Variants in AFF2 observed in about 807,000 individuals in gnomAD.
AFF2 encodes AF4/FMR2 family member 2.
A neutral mutation model predicts 76.9 loss-of-function variants in AFF2; 14 were observed. The ratio of observed to expected loss-of-function variants is 0.18; its 90% CI spans 0.12 to 0.28. The LOEUF is 0.28. Among genes scored for constraint, AFF2 ranks in the 10% least tolerant of loss-of-function variants. The probability of loss-of-function intolerance (pLI) is 1.00; values close to 1 mark genes in which losing one functional copy is unlikely to be tolerated. For synonymous variants in AFF2, 398 were observed against 366.7 expected, an observed-to-expected ratio of 1.09 and a Z score of -0.98; for missense variants, 868 against 1,001.1, an observed-to-expected ratio of 0.87 and a Z score of 1.79.
chrX:148,724,242 C>T (rs111411783), intron 3 of AFF2, among the ~76,000 whole-genome samples: 2 of 110,855 alleles, frequency 1.8e-5, no homozygotes, highest in African/African-American at 6.5e-5. Flanking sequence ...GTGCCTCTCT[C>T]CTATGGCAGA....
At chrX:148,701,012 A>ATGTGTG (rs10675200) in intron 3 of AFF2, among the ~76,000 whole-genome samples, 8,483 of 73,239 alleles carry the variant, frequency 0.12, 405 homozygotes, top group Non-Finnish European at 0.12. Context: ...GAGAGAGAGA[A>ATGTGTG]TGTGTGTGTG....
chrX:148,877,731 G>C (rs1557278052), intron 7 of AFF2, among the ~76,000 whole-genome samples: 5 of 112,026 alleles, frequency 4.5e-5, no homozygotes, highest in Non-Finnish European at 1.9e-5. Context: ...AATTTGCCAT[G>C]CATCACATAG....
intron 1 of AFF2, among the ~76,000 whole-genome samples, chrX:148,522,424 A>G (rs534612131): frequency 8.9e-6 from 1 of 112,507 alleles, no homozygotes; most frequent in African/African-American, 3.2e-5. Context: ...CTTTCTGGGC[A>G]TGGAATTGTT....
At chrX:148,517,678 A>T (rs2052551119) in intron 1 of AFF2, among the ~76,000 whole-genome samples, 1 of 111,506 alleles carries the variant, frequency 9.0e-6, no homozygotes, top group South Asian at 3.8e-4. Flanking sequence ...CCTGAATTCA[A>T]CTGTACAGTA....
chrX:148,967,535 G>T, intron 14 of AFF2, 94 bp from the exon 15 acceptor site: 1 of 837,390 alleles, frequency 1.2e-6, no homozygotes, highest in Middle Eastern at 3.4e-4. Context: ...GCATTATATG[G>T]GAATAAATTT....
intron 3 of AFF2, among the ~76,000 whole-genome samples, chrX:148,773,034 T>G (rs1027280789): frequency 9.1e-6 from 1 of 109,607 alleles, no homozygotes; most frequent in African/African-American, 3.3e-5. Context: ...TGCATATGTA[T>G]CCCATGTTTT....
At chrX:148,834,067 T>A (rs1360449785) in intron 4 of AFF2, among the ~76,000 whole-genome samples, 2 of 112,230 alleles carry the variant, frequency 1.8e-5, no homozygotes, top group Non-Finnish European at 3.8e-5. Context: ...TTGGATAATA[T>A]GGTGGAAAAT....
chrX:148,836,857 C>T (rs1250325994), intron 4 of AFF2, among the ~76,000 whole-genome samples: 2 of 111,778 alleles, frequency 1.8e-5, no homozygotes, highest in Non-Finnish European at 3.8e-5. Context: ...AGGGGCTTTT[C>T]CTGTTTTGAG....
At chrX:148,793,757 C>G (rs1403807807) in intron 3 of AFF2, among the ~76,000 whole-genome samples, 1 of 111,599 alleles carries the variant, frequency 9.0e-6, no homozygotes, top group Non-Finnish European at 1.9e-5. Context: ...GGTTATGTGA[C>G]CTTGGGCAAA....
chrX:148,659,071 A>AT (rs1446889043), intron 2 of AFF2, among the ~76,000 whole-genome samples: 2 of 111,983 alleles, frequency 1.8e-5, no homozygotes, highest in African/African-American at 6.5e-5. Flanking sequence ...TAGAAGGTTG[A>AT]TTTTCCAGAC....
At chrX:148,980,818 C>T (rs2072383325) in intron 19 of AFF2, 28 bp downstream of exon 19, 3 of 1,117,412 alleles carry the variant, frequency 2.7e-6, no homozygotes, top group Non-Finnish European at 2.4e-6. Context: ...ATTGCTTTTT[C>T]GTGAAGATGA....
chrX:148,710,319 T>C (rs782046496), intron 3 of AFF2, among the ~76,000 whole-genome samples: 5 of 111,803 alleles, frequency 4.5e-5, no homozygotes, highest in African/African-American at 6.5e-5. Context: ...TCTGCACCCT[T>C]CCTCTCTGCC....
At chrX:148,795,069 G>A (rs1443715410) in intron 3 of AFF2, among the ~76,000 whole-genome samples, 2 of 112,140 alleles carry the variant, frequency 1.8e-5, no homozygotes, top group East Asian at 2.8e-4. Flanking sequence ...ATACTGGGAG[G>A]GGGATAACAG....
chrX:148,852,598 C>T (rs975833710), intron 7 of AFF2, among the ~76,000 whole-genome samples: 2 of 110,889 alleles, frequency 1.8e-5, no homozygotes, highest in Non-Finnish European at 3.8e-5. Context: ...CAGAAAGAAA[C>T]GAAGAAAACA....
At chrX:148,790,048 A>C (rs1557269828) in intron 3 of AFF2, among the ~76,000 whole-genome samples, 1 of 111,345 alleles carries the variant, frequency 9.0e-6, no homozygotes, top group African/African-American at 3.3e-5. Context: ...CCAACTTAGC[A>C]CTCTGAAAAC....
At position 148,953,606 on chromosome X, in the gene AFF2, C is replaced by T. The variant is rs782601167; in HGVS notation, c.1424C>T (p.Pro475Leu). The change falls in exon 10 of 21, where the codon CCA (proline) becomes CTA (leucine). Residue 475 changes from proline (P) to leucine (L), a missense_variant. Physicochemically the swap from Pro to Leu is moderately conservative, Grantham distance 98. This residue lies in a region of AFF2 where 532 missense variants were observed against 564.2 expected (regional missense o/e 0.94). Coordinates refer to ENST00000370460, the MANE Select transcript of AFF2 (RefSeq NM_002025.4). ...VNPPLATPQP[P>L]PAVQASGGSG... ...CCACCCTTGGCCACTCCCCAGCCCC[C>T]ACCTGCAGTGCAAGCCAGCGGGGGT... The T allele has an allele frequency of 2.5e-6, 3 of 1,211,488 alleles. No homozygotes were observed. The highest frequency in any genetic ancestry group is 3.4e-6 in the Non-Finnish European group (3 of 895,284).
intron 1 of AFF2, among the ~76,000 whole-genome samples, chrX:148,511,237 G>A (rs190668125): frequency 8.2e-4 from 90 of 109,981 alleles, no homozygotes; most frequent in African/African-American, 2.9e-3. Context: ...TGCTTTAAGG[G>A]TAATTGGGCA....
intron 1 of AFF2, among the ~76,000 whole-genome samples, chrX:148,512,163 C>T (rs900220590): frequency 7.2e-5 from 8 of 111,520 alleles, no homozygotes; most frequent in Non-Finnish European, 1.3e-4. Context: ...ATGCAAGAGC[C>T]ATGATGGACC....
At chrX:148,691,026 A>G (rs1220839407) in intron 3 of AFF2, among the ~76,000 whole-genome samples, 1 of 111,473 alleles carries the variant, frequency 9.0e-6, no homozygotes, top group Non-Finnish European at 1.9e-5. Context: ...AATTTTAATT[A>G]CCTATTTAAA....
Sources: allele counts gnomAD v4.1 joint callset (sites outside exome capture counted in the v4.1 genomes callset), GRCh38; gene constraint gnomAD v4.1.1; regional missense constraint gnomAD v4.1.1; transcripts MANE v1.5; gene names NCBI Gene and HGNC (gene_info 2026-07-23, HGNC 2026-07-21).